GJD3: variants seen among roughly 807,000 people sequenced by gnomAD.
GJD3 encodes the protein gap junction delta-3 protein.
For synonymous variants in GJD3, 217 were observed against 226.7 expected, an observed-to-expected ratio of 0.96 and a Z score of 0.38; for missense variants, 421 against 448.5, an observed-to-expected ratio of 0.94 and a Z score of 0.55.
At position 40,360,679 on chromosome 17, in the gene GJD3, A is replaced by G. The variant is rs1050541676; in HGVS notation, c.*2252T>C. 3.6e-5 allele frequency: 6 copies of G among 168,332 alleles called. No individual in the cohort carries two copies. The highest frequency in any genetic ancestry group is 5.2e-5 in the Non-Finnish European group (4 of 76,856). 10.4% of individuals were successfully genotyped at this position (168,332 alleles called of 1,614,324 possible). ...TCATTTGTTTCCTTTTACTTTTTTA[A>G]TGTGGCTAATGAAAAACTTGAAACT... is the stretch of plus-strand genomic sequence containing the variant. On this transcript the variant is annotated 3_prime_UTR_variant, in exon 1 of 1. Coordinates refer to ENST00000578689, the MANE Select transcript of GJD3 (RefSeq NM_152219.4).
rs1048569968 is a variant in GJD3, at chr17:40,360,879, A to C, written c.*2052T>G. 5.0e-6 allele frequency: 2 copies of C among 401,598 alleles called. No homozygotes were observed. The highest frequency in any genetic ancestry group is 1.0e-5 in the Non-Finnish European group (2 of 200,870). 24.9% of individuals were successfully genotyped at this position (401,598 alleles called of 1,614,324 possible). On this transcript the variant is annotated 3_prime_UTR_variant, in exon 1 of 1. Coordinates refer to ENST00000578689, the MANE Select transcript of GJD3 (RefSeq NM_152219.4). ...GTTGTGGACACAGAACTGTCATCAG[A>C]GAGATGGTGCCCACCATAGCATGGA...
In GJD3 at chr17:40,362,481, G is replaced by A. The variant is rs2034760679; in HGVS notation, c.*450C>T. Reference sequence around the variant, plus strand: ...GGTGCGCGTGCACACAGCTCACAGTGCTTATGTGTCCGTGTATGCACACTC... The same window carrying A: ...GGTGCGCGTGCACACAGCTCACAGTACTTATGTGTCCGTGTATGCACACTC... On this transcript the variant is annotated 3_prime_UTR_variant, in exon 1 of 1. Transcript: ENST00000578689. Among the ~76,000 whole-genome samples the A allele has an allele frequency of 6.6e-6, 1 of 152,208 alleles. No homozygotes were observed. The highest frequency in any genetic ancestry group is 2.1e-4 in the South Asian group (1 of 4,830).
Position 40,361,262 on chromosome 17 carries a change from C to T in GJD3, c.*1669G>A, listed in dbSNP as rs2034749957. On this transcript the variant is annotated 3_prime_UTR_variant, in exon 1 of 1. Coordinates refer to ENST00000578689, the MANE Select transcript of GJD3 (RefSeq NM_152219.4). ...GGTGCTTGTTAGAAGAGAAAATTCC[C>T]TATGGTTCTGAGCACACCTGGAAGC... The T allele has an allele frequency of 8.9e-6, 3 of 338,158 alleles. No individual in the cohort carries two copies. Among genetic ancestry groups the T allele is most frequent in the Middle Eastern group, 8.7e-4 (1 of 1,146 alleles). 20.9% of individuals were successfully genotyped at this position (338,158 alleles called of 1,614,324 possible).
chr17:40,363,290 T>G lies in GJD3; in HGVS notation c.526A>C (p.Thr176Pro). Residue 176 changes from threonine to proline, a missense_variant, in exon 1 of 1, where the codon ACG becomes CCG. Physicochemically the swap from Thr to Pro is conservative, Grantham distance 38 (BLOSUM62 -1). Coordinates refer to ENST00000578689, the MANE Select transcript of GJD3 (RefSeq NM_152219.4). The surrounding 1 kb of genome is among the most constrained non-coding windows in gnomAD (Gnocchi z 5.5). Reference protein sequence around the residue: ...FACAGPPCPHTVDCFVSRPTE... With the variant: ...FACAGPPCPHPVDCFVSRPTE... ...GGCCGGCTCACGAAGCAGTCGACCGTGTGCGGGCAGGGCGGACCGGCGCAC... is the reference window on the plus strand; with the variant it reads ...GGCCGGCTCACGAAGCAGTCGACCGGGTGCGGGCAGGGCGGACCGGCGCAC... The G allele has an allele frequency of 7.1e-7, 1 of 1,414,928 alleles. No individual in the cohort carries two copies. Among genetic ancestry groups the G allele is most frequent in the East Asian group, 3.1e-5 (1 of 32,770 alleles). The allele number at this position is 1,414,928 out of a possible 1,614,324, so 87.6% of individuals were successfully genotyped here.
chr17:40,362,265 G>A lies in GJD3; in HGVS notation c.*666C>T, dbSNP rs532772535. On this transcript the variant is annotated 3_prime_UTR_variant, in exon 1 of 1. Transcript: ENST00000578689. ...CACGCAGCCCACACAGAATGGACAT[G>A]TGCGTGTGTGCACAATGCACTCACA... 6.6e-6 allele frequency among the ~76,000 whole-genome samples: 1 copy of A among 152,142 alleles called. No homozygotes were observed. Among genetic ancestry groups the A allele is most frequent in the Non-Finnish European group, 1.5e-5 (1 of 68,002 alleles).
chr17:40,363,564 C>A lies in GJD3; in HGVS notation c.252G>T (p.Leu84=). 1 of 1,590,240 alleles carries A rather than the reference C, an allele frequency of 6.3e-7. No homozygotes were observed. Among genetic ancestry groups the A allele is most frequent in the Non-Finnish European group, 8.6e-7 (1 of 1,169,156 alleles). The change falls in exon 1 of 1, where the codon CTG becomes CTT. Residue 84 remains leucine (L), a synonymous_variant. Transcript: ENST00000578689. The surrounding 1 kb of genome is among the most constrained non-coding windows in gnomAD (Gnocchi z 5.5). ...HYRFWLFHIL[L]LSAPPVLFVV... is the part of the protein sequence containing the mutation. ...CGAACAGCACCGGGGGCGCCGAGAG[C>A]AGCAGGATGTGGAAGAGCCAGAAGC...
chr17:40,362,963 G>C lies in GJD3; in HGVS notation c.853C>G (p.Pro285Ala). ...ECGSGRGKASPATGRRDLAI is the reference protein window; with the variant it reads ...ECGSGRGKASAATGRRDLAI The stretch of plus-strand genomic sequence containing the variant: ...GCCAGATCTCGGCGGCCGGTGGCCG[G>C]TGACGCCTTGCCGCGGCCGCTGCCG... The change falls in exon 1 of 1, where the codon CCG (proline) becomes GCG (alanine). Residue 285 changes from proline to alanine, a missense_variant. Pro to Ala is a conservative substitution (Grantham distance 27). Coordinates refer to ENST00000578689, the MANE Select transcript of GJD3 (RefSeq NM_152219.4). The C allele has an allele frequency of 8.0e-7, 1 of 1,244,698 alleles. No individual in the cohort carries two copies. The highest frequency in any genetic ancestry group is 1.0e-6 in the Non-Finnish European group (1 of 992,050). The allele number at this position is 1,244,698 out of a possible 1,614,324, so 77.1% of individuals were successfully genotyped here.
In GJD3 at chr17:40,362,576, T is replaced by C. The variant is rs2034761570; in HGVS notation, c.*355A>G. Among the ~76,000 whole-genome samples, 3 of 152,286 alleles carry C rather than the reference T, an allele frequency of 2.0e-5. No homozygotes were observed. The South Asian group carries it at 6.2e-4, about 32-fold the overall frequency. On this transcript the variant is annotated 3_prime_UTR_variant, in exon 1 of 1. Coordinates refer to ENST00000578689, the MANE Select transcript of GJD3 (RefSeq NM_152219.4). ...GTGCCTGAGAATGCTGGCATCACAG[T>C]TGTTTTTGTCCCCAGTAAAACAACC...
rs2034780479 is a variant in GJD3, at chr17:40,364,168, C to A, written c.-353G>T. The stretch of plus-strand genomic sequence containing the variant: ...GGACCTTGGAGATCAGCTGGACCAG[C>A]CCCTGACTTGCCTGGTTTCGGAAGC... On this transcript the variant is annotated 5_prime_UTR_variant, in exon 1 of 1. Coordinates refer to ENST00000578689, the MANE Select transcript of GJD3 (RefSeq NM_152219.4). 1.8e-5 allele frequency: 4 copies of A among 223,016 alleles called. 1 individual carries two copies. In the South Asian group the frequency reaches 3.7e-4, roughly 21 times the overall value. 13.8% of individuals were successfully genotyped at this position (223,016 alleles called of 1,614,324 possible). A position where few individuals can be genotyped will look rare whatever the true frequency, so the allele number is the denominator to read the frequency against.
In GJD3 at chr17:40,364,263, A is replaced by T. The variant is rs1466824329; in HGVS notation, c.-448T>A. Reference sequence around the variant, plus strand: ...AGTGGAGCCTCGAACCCGAGACGCTAGACCCAATTTGGTGCCCATGGGAGG... The same window carrying T: ...AGTGGAGCCTCGAACCCGAGACGCTTGACCCAATTTGGTGCCCATGGGAGG... On this transcript the variant is annotated 5_prime_UTR_variant, in exon 1 of 1. Transcript: ENST00000578689. 5.6e-6 allele frequency: 1 copy of T among 177,080 alleles called. No individual in the cohort carries two copies. The highest frequency in any genetic ancestry group is 1.4e-5 in the Non-Finnish European group (1 of 73,900). 11.0% of individuals were successfully genotyped at this position (177,080 alleles called of 1,614,324 possible).
At position 40,363,745 on chromosome 17, in the gene GJD3, A is replaced by AGGCGGCCCACGAGC; in HGVS notation, c.57_70dup (p.Leu24ArgfsTer12). 6.2e-7 allele frequency: 1 copy of AGGCGGCCCACGAGC among 1,609,832 alleles called. No homozygotes were observed. Among genetic ancestry groups the AGGCGGCCCACGAGC allele is most frequent in the African/African-American group, 1.3e-5 (1 of 74,998 alleles). ...GAAGATCAGCATGACCACCAGCCAGAGGCGGCCCACGAGCGGCGACTGCAG... is the reference window on the plus strand; with the variant it reads ...GAAGATCAGCATGACCACCAGCCAGAGGCGGCCCACGAGCGGCGGCCCACGAGCGGCGACTGCAG... On this transcript the variant is annotated frameshift_variant, in exon 1 of 1. Transcript: ENST00000578689. LOFTEE classifies it low-confidence loss of function (END_TRUNC). The surrounding 1 kb of genome is among the most constrained non-coding windows in gnomAD (Gnocchi z 5.5).
Position 40,363,344 on chromosome 17 carries a change from A to G in GJD3, c.472T>C (p.Tyr158His), listed in dbSNP as rs571615088. 28 of 1,418,376 alleles carry G rather than the reference A, an allele frequency of 2.0e-5. No individual in the cohort carries two copies. In the East Asian group the frequency reaches 8.6e-4, roughly 43 times the overall value. The allele number at this position is 1,418,376 out of a possible 1,614,324, so 87.9% of individuals were successfully genotyped here. A position where few individuals can be genotyped will look rare whatever the true frequency, so the allele number is the denominator to read the frequency against. ...LTFLGGQALL[Y>H]GFRVAPHFAC... ...AAGTGCGGGGCCACGCGGAAGCCGT[A>G]GAGCAGCGCCTGGCCGCCCAGGAAG... is the stretch of plus-strand genomic sequence containing the variant. The change falls in exon 1 of 1, where the codon TAC (tyrosine) becomes CAC (histidine). Residue 158 changes from tyrosine to histidine, a missense_variant. Tyr to His is a moderately conservative substitution (Grantham distance 83). Transcript: ENST00000578689. This position sits in a 1 kb window ranked among gnomAD's most constrained non-coding sequence, Gnocchi z 5.5.
chr17:40,364,513 C>T lies in GJD3; in HGVS notation c.-698G>A. 1 of 167,890 alleles carries T rather than the reference C, an allele frequency of 6.0e-6. No individual in the cohort carries two copies. 10.4% of individuals were successfully genotyped at this position (167,890 alleles called of 1,614,324 possible). On this transcript the variant is annotated 5_prime_UTR_variant, in exon 1 of 1. Coordinates refer to ENST00000578689, the MANE Select transcript of GJD3 (RefSeq NM_152219.4). ...CCTCCTCCCTGGCCTCCTGTGCCTC[C>T]AGCCTCCACATCTCCTGAGATCCTC...
rs774352443 is a variant in GJD3 at position 40,363,763 on chromosome 17, G to T, written c.53C>A (p.Ser18Ter). The change falls in exon 1 of 1, where the codon TCG becomes TAG. Residue 18 changes from serine to a stop codon, truncating the protein, a stop_gained. Transcript: ENST00000578689. LOFTEE classifies it low-confidence loss of function (END_TRUNC). The surrounding 1 kb of genome is among the most constrained non-coding windows in gnomAD (Gnocchi z 5.5). ...GSLLDAVQLQSPLVGRLWLVV... is the reference protein window; with the variant it reads ...GSLLDAVQLQ ...CAGCCAGAGGCGGCCCACGAGCGGC[G>T]ACTGCAGCTGCACGGCGTCCAGCAG... 6.2e-7 allele frequency: 1 copy of T among 1,609,064 alleles called. No individual in the cohort carries two copies. Among genetic ancestry groups the T allele is most frequent in the African/African-American group, 1.3e-5 (1 of 75,004 alleles).
rs1338654177 is a variant in GJD3 at position 40,362,016 on chromosome 17, G to A, written c.*915C>T. On this transcript the variant is annotated 3_prime_UTR_variant, in exon 1 of 1. Coordinates refer to ENST00000578689, the MANE Select transcript of GJD3 (RefSeq NM_152219.4). ...CTCTCCTCCTCTTCCCTCCCTGGGCGGGGTCTCTTGGGAGGGGGGGACAGA... is the reference window on the plus strand; with the variant it reads ...CTCTCCTCCTCTTCCCTCCCTGGGCAGGGTCTCTTGGGAGGGGGGGACAGA... Among the ~76,000 whole-genome samples the A allele has an allele frequency of 6.6e-6, 1 of 152,118 alleles. No individual in the cohort carries two copies. Among genetic ancestry groups the A allele is most frequent in the Non-Finnish European group, 1.5e-5 (1 of 68,002 alleles).
At position 40,363,018 on chromosome 17, in the gene GJD3, C is replaced by G; in HGVS notation, c.798G>C (p.Ala266=). 2 of 1,207,232 alleles carry G rather than the reference C, an allele frequency of 1.7e-6. No individual in the cohort carries two copies. Among genetic ancestry groups the G allele is most frequent in the Non-Finnish European group, 2.1e-6 (2 of 972,726 alleles). 74.8% of individuals were successfully genotyped at this position (1,207,232 alleles called of 1,614,324 possible). ...CGCGGAGGCTGGCCGGCGCCGGGTG[C>G]GCATAGGCCGGCGGGGCGCACGGCT... The part of the protein sequence containing the change: ...GPEPCAPPAY[A]HPAPASLREC... The change falls in exon 1 of 1, where the codon GCG becomes GCC. Residue 266 remains alanine (A), a synonymous_variant. Transcript: ENST00000578689. This position sits in a 1 kb window ranked among gnomAD's most constrained non-coding sequence, Gnocchi z 5.5.
At position 40,363,929 on chromosome 17, in the gene GJD3, C is replaced by T; in HGVS notation, c.-114G>A. 1 of 1,406,008 alleles carries T rather than the reference C, an allele frequency of 7.1e-7. No individual in the cohort carries two copies. The highest frequency in any genetic ancestry group is 9.5e-7 in the Non-Finnish European group (1 of 1,054,092). 87.1% of individuals were successfully genotyped at this position (1,406,008 alleles called of 1,614,324 possible). On this transcript the variant is annotated 5_prime_UTR_variant, in exon 1 of 1. Transcript: ENST00000578689. This position sits in a 1 kb window ranked among gnomAD's most constrained non-coding sequence, Gnocchi z 5.5. ...GACCTTCTCTGACTTCAGGGTGAGT[C>T]GTGAGGTAGGAGAGGCCCGGGTTTA...
rs983212884 is a variant in GJD3 at position 40,361,463 on chromosome 17, C to T, written c.*1468G>A. On this transcript the variant is annotated 3_prime_UTR_variant, in exon 1 of 1. Coordinates refer to ENST00000578689, the MANE Select transcript of GJD3 (RefSeq NM_152219.4). ...GGGCACAGGAGAGCTGAGAAAGACGCCAGGAACTCAGAAGGACAGGGTGGG... is the reference window on the plus strand; with the variant it reads ...GGGCACAGGAGAGCTGAGAAAGACGTCAGGAACTCAGAAGGACAGGGTGGG... Among the ~76,000 whole-genome samples, 1 of 152,198 alleles carries T rather than the reference C, an allele frequency of 6.6e-6. No homozygotes were observed. The highest frequency in any genetic ancestry group is 1.5e-5 in the Non-Finnish European group (1 of 68,034).
At position 40,363,759 on chromosome 17, in the gene GJD3, C is replaced by G; in HGVS notation, c.57G>C (p.Pro19=). ...SLLDAVQLQS[P]LVGRLWLVVM... ...CCACCAGCCAGAGGCGGCCCACGAG[C>G]GGCGACTGCAGCTGCACGGCGTCCA... is the stretch of plus-strand genomic sequence containing the variant. Residue 19 remains proline (P), a synonymous_variant, in exon 1 of 1, where the codon CCG becomes CCC. Coordinates refer to ENST00000578689, the MANE Select transcript of GJD3 (RefSeq NM_152219.4). The surrounding 1 kb of genome is among the most constrained non-coding windows in gnomAD (Gnocchi z 5.5). 6.2e-7 allele frequency: 1 copy of G among 1,609,180 alleles called. No individual in the cohort carries two copies. Among genetic ancestry groups the G allele is most frequent in the Non-Finnish European group, 8.5e-7 (1 of 1,178,938 alleles).
Sources: allele counts gnomAD v4.1 joint callset (sites outside exome capture counted in the v4.1 genomes callset), GRCh38; gene constraint gnomAD v4.1.1; non-coding constraint Gnocchi (gnomAD v3.1); transcripts MANE v1.5; gene names NCBI Gene and HGNC (gene_info 2026-07-23, HGNC 2026-07-21).